Variants in TWF2 observed in about 807,000 individuals in gnomAD.
TWF2 encodes the protein twinfilin actin binding protein 2, also known as twinfilin-2.
A neutral mutation model predicts 45.1 loss-of-function variants in TWF2; 15 were observed. The observed-to-expected ratio is 0.33, with a 90% confidence interval of 0.22 to 0.51. The LOEUF (loss-of-function observed/expected upper bound fraction) is 0.51, where lower values mean the gene tolerates loss of function less well. Among genes scored for constraint, TWF2 ranks in the 20% least tolerant of loss-of-function variants. The pLI is 0.97. For synonymous variants in TWF2, 177 were observed against 195.8 expected (o/e 0.90, Z 0.80); for missense variants, 423 against 469.1 (o/e 0.90, Z 0.91).
In TWF2 at chr3:52,228,880, G is replaced by A; in HGVS notation, c.*154C>T. ...AACAGGGAAGGGTCACAAAATGCCAGCCCGGTGGCCCTCGGACGCTGCAAG... is the reference window on the plus strand; with the variant it reads ...AACAGGGAAGGGTCACAAAATGCCAACCCGGTGGCCCTCGGACGCTGCAAG... On this transcript the variant is annotated 3_prime_UTR_variant, in exon 9 of 9. Coordinates refer to ENST00000305533, the MANE Select transcript of TWF2 (RefSeq NM_007284.4). 1.7e-6 allele frequency: 2 copies of A among 1,161,380 alleles called. No individual in the cohort carries two copies. Among genetic ancestry groups the A allele is most frequent in the Non-Finnish European group, 2.4e-6 (2 of 847,208 alleles). The allele number at this position is 1,161,380 out of a possible 1,614,324, so 71.9% of individuals were successfully genotyped here.
intron 1 of TWF2, among the ~76,000 whole-genome samples, chr3:52,237,363 G>T (rs965938676): frequency 1.3e-5 from 2 of 151,976 alleles, no homozygotes; most frequent in African/African-American, 4.8e-5. Context: ...CCTACTCTGC[G>T]GTCAGCAGAT....
rs1365193094 is a variant in TWF2 at position 52,239,028 on chromosome 3, TCGCTCCGTC to T, written c.-21_-13del. 2 of 1,594,826 alleles carry T rather than the reference TCGCTCCGTC, an allele frequency of 1.3e-6. No homozygotes were observed. The highest frequency in any genetic ancestry group is 1.7e-6 in the Non-Finnish European group (2 of 1,177,960). On this transcript the variant is annotated 5_prime_UTR_variant, in exon 1 of 9. Transcript: ENST00000305533. ...GTTTGGTGCGCCATGGCTCGGCGCTTCGCTCCGTCCGCGCCGTCGGAGCCCTCCGCTTGA... is the reference window on the plus strand; with the variant it reads ...GTTTGGTGCGCCATGGCTCGGCGCTTCGCGCCGTCGGAGCCCTCCGCTTGA...
chr3:52,231,004 A>G lies in TWF2; in HGVS notation c.484-9T>C. The G allele has an allele frequency of 6.2e-7, 1 of 1,608,792 alleles. No homozygotes were observed. Among genetic ancestry groups the G allele is most frequent in the East Asian group, 2.2e-5 (1 of 44,712 alleles). On this transcript the variant is annotated splice_polypyrimidine_tract_variant and intron_variant, in intron 5 of 8. Transcript: ENST00000305533. ...CTGATCTCTGTCTTCACCTGTGGGTAGGGGAATGGTGAGGGAGGCCCTCAC... is the reference window on the plus strand; with the variant it reads ...CTGATCTCTGTCTTCACCTGTGGGTGGGGGAATGGTGAGGGAGGCCCTCAC...
chr3:52,236,073 G>A (rs1339877166), intron 1 of TWF2, among the ~76,000 whole-genome samples: 1 of 152,030 alleles, frequency 6.6e-6, no homozygotes, highest in African/African-American at 2.4e-5. Flanking sequence ...GGCCAAGGCG[G>A]GCAGATCACC....
chr3:52,233,448 TAAG>T (rs1699697122), intron 2 of TWF2, among the ~76,000 whole-genome samples: 1 of 152,220 alleles, frequency 6.6e-6, no homozygotes, highest in Non-Finnish European at 1.5e-5. Context: ...AAATTTTACA[TAAG>T]AAGTAGAATT....
Position 52,228,729 on chromosome 3 carries a change from T to A in TWF2, c.*305A>T, listed in dbSNP as rs557883075. The A allele has an allele frequency of 2.4e-6, 1 of 424,538 alleles. No individual in the cohort carries two copies. The highest frequency in any genetic ancestry group is 3.1e-5 in the South Asian group (1 of 32,578). The allele number at this position is 424,538 out of a possible 1,614,324, so 26.3% of individuals were successfully genotyped here. On this transcript the variant is annotated 3_prime_UTR_variant, in exon 9 of 9. Transcript: ENST00000305533. ...CTTGTGGCCAAAGGTTTCTGGGCTG[T>A]GCTGGGACCCTAGTCTCAGCTCCCC...
At chr3:52,237,316 G>A (rs989190247) in intron 1 of TWF2, among the ~76,000 whole-genome samples, 3 of 152,152 alleles carry the variant, frequency 2.0e-5, no homozygotes, top group South Asian at 2.1e-4. Flanking sequence ...CCCTCCCTCC[G>A]ACTCAAGTGA....
Position 52,230,033 on chromosome 3 carries a change from T to G in TWF2, c.647A>C (p.His216Pro). 1 of 1,608,452 alleles carries G rather than the reference T, an allele frequency of 6.2e-7. No homozygotes were observed. Among genetic ancestry groups the G allele is most frequent in the Non-Finnish European group, 8.5e-7 (1 of 1,178,818 alleles). The change falls in exon 7 of 9, where the codon CAC (histidine) becomes CCC (proline). Residue 216 changes from histidine (H) to proline (P), a missense_variant. His to Pro is a moderately conservative substitution (Grantham distance 77). Transcript: ENST00000305533. The part of the protein sequence containing the change: ...DLERETIELV[H>P]TEPTDVAQLP... ...CTGGGCCACATCCGTGGGCTCTGTG[T>G]GCACCAGCTCAATGGTTTCCCGCTC...
At chr3:52,232,365 CA>C (rs1699687171) in intron 2 of TWF2, 143 of 483,304 alleles carry the variant, frequency 3.0e-4, no homozygotes, top group Non-Finnish European at 3.2e-4. Flanking sequence ...CACACCCCCC[CA>C]CACACACACA....
chr3:52,236,051 A>G (rs1175378660), intron 1 of TWF2, among the ~76,000 whole-genome samples: 2 of 152,062 alleles, frequency 1.3e-5, no homozygotes, highest in Non-Finnish European at 2.9e-5. Context: ...CTGTAATCCC[A>G]GCAATTTGGG....
At chr3:52,232,230 C>A (rs1177790127) in intron 2 of TWF2, 108 bp from the exon 3 acceptor site, 7 of 1,329,652 alleles carry the variant, frequency 5.3e-6, no homozygotes, top group Non-Finnish European at 7.0e-6. Context: ...CCGCCGGCTG[C>A]CCCTCACCTT....
At chr3:52,238,929 C>CGGGG (rs11441245) in intron 1 of TWF2, 63 bp downstream of exon 1, 1 of 1,177,376 alleles carries the variant, frequency 8.5e-7, no homozygotes, top group Non-Finnish European at 1.1e-6. Context: ...GGCCGAGAGC[C>CGGGG]GGGGGGGGGC....
At position 52,239,071 on chromosome 3, in the gene TWF2, C is replaced by G; in HGVS notation, c.-55G>C. On this transcript the variant is annotated 5_prime_UTR_variant, in exon 1 of 9. Coordinates refer to ENST00000305533, the MANE Select transcript of TWF2 (RefSeq NM_007284.4). The stretch of plus-strand genomic sequence containing the variant: ...CGGAGCCCTCCGCTTGACCCTGGCC[C>G]GGCAACGCTCGCTGGACCAAGAGAG... The G allele has an allele frequency of 1.3e-6, 2 of 1,577,744 alleles. No individual in the cohort carries two copies. The highest frequency in any genetic ancestry group is 1.7e-6 in the Non-Finnish European group (2 of 1,169,182).
At chr3:52,231,385 C>G in intron 4 of TWF2, 59 bp downstream of exon 4, 1 of 1,596,274 alleles carries the variant, frequency 6.3e-7, no homozygotes, top group Non-Finnish European at 8.6e-7. Flanking sequence ...TGACCCTGCA[C>G]AGTGACCCCT....
intron 2 of TWF2, among the ~76,000 whole-genome samples, chr3:52,233,692 G>T (rs1210673179): frequency 6.6e-6 from 1 of 152,144 alleles, no homozygotes; most frequent in Non-Finnish European, 1.5e-5. Context: ...ACTTTGGGAG[G>T]CCGAGGTGGG....
chr3:52,233,316 A>C (rs114601378), intron 2 of TWF2, among the ~76,000 whole-genome samples: 1,676 of 152,290 alleles, frequency 0.011, 32 homozygotes, highest in African/African-American at 0.038. Flanking sequence ...CGGCCTCCTC[A>C]CCTGCCCACC....
At chr3:52,236,624 C>CG (rs1330968977) in intron 1 of TWF2, among the ~76,000 whole-genome samples, 15 of 152,018 alleles carry the variant, frequency 9.9e-5, no homozygotes, top group Middle Eastern at 3.4e-3. Flanking sequence ...AACTCAGGGG[C>CG]GGGGGGGCCT....
In TWF2 at chr3:52,228,950, T is replaced by C; in HGVS notation, c.*84A>G. On this transcript the variant is annotated 3_prime_UTR_variant, in exon 9 of 9. Coordinates refer to ENST00000305533, the MANE Select transcript of TWF2 (RefSeq NM_007284.4). The stretch of plus-strand genomic sequence containing the variant: ...TCCTGACCTCCCAGAAACACTTTCC[T>C]GGAGCCCAGGAAGGAGGATGGTGGC... 2 of 1,539,600 alleles carry C rather than the reference T, an allele frequency of 1.3e-6. No individual in the cohort carries two copies. The highest frequency in any genetic ancestry group is 1.8e-6 in the Non-Finnish European group (2 of 1,141,902).
At position 52,229,181 on chromosome 3, in the gene TWF2, T is replaced by C. The variant is rs1307419722; in HGVS notation, c.903A>G (p.Ala301=). The part of the protein sequence containing the change: ...IAKKIEIGDG[A]ELTAEFLYDE... Reference sequence around the variant, plus strand: ...CGTAGAGGAACTCTGCCGTCAGCTCTGCCCCATCGCCAATCTCAATCTGCA... The same window carrying C: ...CGTAGAGGAACTCTGCCGTCAGCTCCGCCCCATCGCCAATCTCAATCTGCA... Residue 301 remains alanine, a synonymous_variant, in exon 9 of 9, where the codon GCA becomes GCG. Transcript: ENST00000305533. 6.8e-6 allele frequency: 11 copies of C among 1,611,960 alleles called. No individual in the cohort carries two copies. Among genetic ancestry groups the C allele is most frequent in the Non-Finnish European group, 9.3e-6 (11 of 1,179,966 alleles).
Sources: gnomAD v4.1 joint callset for allele counts (sites outside exome capture counted in the v4.1 genomes callset) on GRCh38, gnomAD v4.1.1 for gene constraint, MANE v1.5 for transcripts, NCBI Gene and HGNC (gene_info 2026-07-23, HGNC 2026-07-21) for gene names.